CACNA1S: variants seen among roughly 807,000 people sequenced by gnomAD.
CACNA1S encodes the protein calcium voltage-gated channel subunit alpha1 S.
In CACNA1S, 126 loss-of-function variants were observed where a neutral mutation model predicts 207.4. That is an observed-to-expected ratio of 0.61 (90% CI 0.53 to 0.70). The LOEUF (loss-of-function observed/expected upper bound fraction) is 0.70, where lower values mean the gene tolerates loss of function less well. Among genes scored for constraint, CACNA1S ranks in the 30% least tolerant of loss-of-function variants. The pLI is 0.00. For missense variants in CACNA1S, 2,349 were observed against 2,422.8 expected (o/e 0.97, Z 0.64); for synonymous variants, 960 against 932.7 (o/e 1.03, Z -0.53).
At position 201,053,555 on chromosome 1, in the gene CACNA1S, G is replaced by A. The variant is rs1238878802; in HGVS notation, c.3699C>T (p.Ala1233=). The stretch of plus-strand genomic sequence containing the variant: ...TCATGACACGGAACAGGCGGAAGAA[G>A]GCGCTGGAGATGCGGGCACTCTCAT... The part of the protein sequence containing the change: ...DPDESARISS[A]FFRLFRVMRL... The change falls in exon 30 of 44, where the codon GCC becomes GCT. Residue 1233 remains alanine, a synonymous_variant. Coordinates refer to ENST00000362061, the MANE Select transcript of CACNA1S (RefSeq NM_000069.3). The surrounding 1 kb of genome is among the most constrained non-coding windows in gnomAD (Gnocchi z 5.1). 1 of 1,614,088 alleles carries A rather than the reference G, an allele frequency of 6.2e-7. No homozygotes were observed. Among genetic ancestry groups the A allele is most frequent in the Non-Finnish European group, 8.5e-7 (1 of 1,180,002 alleles).
chr1:201,040,401 C>T, intron 42 of CACNA1S, 27 bp from the exon 43 acceptor site: 1 of 1,610,948 alleles, frequency 6.2e-7, no homozygotes, highest in Admixed American at 1.7e-5. Context: ...AAAGCAAAGA[C>T]CCCGACAGGG....
At chr1:201,080,032 G>A (rs1181490052) in intron 10 of CACNA1S, among the ~76,000 whole-genome samples, 4 of 152,082 alleles carry the variant, frequency 2.6e-5, no homozygotes, top group East Asian at 1.9e-4. Flanking sequence ...ATGAAACAGC[G>A]AGTCATTGAA....
intron 10 of CACNA1S, among the ~76,000 whole-genome samples, chr1:201,081,163 G>A (rs1327571578): frequency 1.3e-5 from 2 of 152,066 alleles, no homozygotes; most frequent in African/African-American, 2.4e-5. Flanking sequence ...CCTCATGCAG[G>A]TCCAGGGCCC....
At chr1:201,112,033 C>T (rs1381016044) in intron 1 of CACNA1S, among the ~76,000 whole-genome samples, 155 bp downstream of exon 1, 1 of 117,150 alleles carries the variant, frequency 8.5e-6, no homozygotes, top group Non-Finnish European at 1.8e-5. Flanking sequence ...CCGAGGGCTC[C>T]TTCCCCCAGC....
intron 10 of CACNA1S, 83 bp downstream of exon 10, chr1:201,083,079 A>C: frequency 6.9e-7 from 1 of 1,452,570 alleles, no homozygotes; most frequent in Non-Finnish European, 9.6e-7. Flanking sequence ...TCTTCTGCAC[A>C]ACCTGTGGTG....
Position 201,050,991 on chromosome 1 carries a change from G to T in CACNA1S, c.4106C>A (p.Ala1369Asp). The T allele has an allele frequency of 1.9e-6, 3 of 1,614,146 alleles. No individual in the cohort carries two copies. Among genetic ancestry groups the T allele is most frequent in the South Asian group, 1.1e-5 (1 of 91,080 alleles). Residue 1369 changes from alanine to aspartate, a missense_variant, in exon 33 of 44, where the codon GCC (alanine) becomes GAC (aspartate). Transcript: ENST00000362061. ...YYFISFYMLC[A>D]FLVINLFVAV... Reference sequence around the variant, plus strand: ...AGGCCCTCAGCATCTCACCAGGAAGGCACAGAGCATGTAGAAGCTGATGAA... The same window carrying T: ...AGGCCCTCAGCATCTCACCAGGAAGTCACAGAGCATGTAGAAGCTGATGAA...
intron 2 of CACNA1S, among the ~76,000 whole-genome samples, chr1:201,101,924 TC>T (rs1259859585): frequency 1.3e-5 from 2 of 151,232 alleles, no homozygotes; most frequent in Admixed American, 6.6e-5. Context: ...AGAAAAAGCA[TC>T]CCCCCTCCTC....
In CACNA1S at chr1:201,066,435, TC is replaced by T; in HGVS notation, c.2658-120del. The T allele has an allele frequency of 2.4e-6, 2 of 846,474 alleles. No homozygotes were observed. Among genetic ancestry groups the T allele is most frequent in the Non-Finnish European group, 4.0e-6 (2 of 506,048 alleles). The allele number at this position is 846,474 out of a possible 1,614,324, so 52.4% of individuals were successfully genotyped here. ...CAGCTGCCTTTCTGCCTGAAAACAC[TC>T]CCACCTTCCCCTTCCCTTTCCTCCA... On this transcript the variant is annotated intron_variant, in intron 20 of 43. Coordinates refer to ENST00000362061, the MANE Select transcript of CACNA1S (RefSeq NM_000069.3). The surrounding 1 kb of genome is among the most constrained non-coding windows in gnomAD (Gnocchi z 4.3).
intron 12 of CACNA1S, among the ~76,000 whole-genome samples, chr1:201,075,833 C>T (rs955020363): frequency 3.9e-5 from 6 of 152,094 alleles, no homozygotes; most frequent in Non-Finnish European, 8.8e-5. Context: ...TTTGGGAGGC[C>T]GAGATGGGTG....
intron 22 of CACNA1S, 147 bp downstream of exon 22, chr1:201,065,691 G>A: frequency 1.5e-6 from 1 of 679,688 alleles, no homozygotes. Flanking sequence ...GTGTGGTGAA[G>A]ACCTATTTTT....
Position 201,066,936 on chromosome 1 carries a change from T to C in CACNA1S, c.2608A>G (p.Met870Val), listed in dbSNP as rs775432023. 8.1e-6 allele frequency: 13 copies of C among 1,614,078 alleles called. No homozygotes were observed. The highest frequency in any genetic ancestry group is 7.7e-5 in the South Asian group (7 of 91,086). Residue 870 changes from methionine to valine, a missense_variant, in exon 20 of 44, where the codon ATG (methionine) becomes GTG (valine). Physicochemically the swap from Met to Val is conservative, Grantham distance 21. Coordinates refer to ENST00000362061, the MANE Select transcript of CACNA1S (RefSeq NM_000069.3). This position sits in a 1 kb window ranked among gnomAD's most constrained non-coding sequence, Gnocchi z 4.3. ...KGSFCRNYFNMLDLLVVAVSL... is the reference protein window; with the variant it reads ...KGSFCRNYFNVLDLLVVAVSL... Reference sequence around the variant, plus strand: ...ACGGCCACCACCAGCAGGTCCAGCATGTTGAAGTAATTGCGGCAGAAGGAA... The same window carrying C: ...ACGGCCACCACCAGCAGGTCCAGCACGTTGAAGTAATTGCGGCAGAAGGAA...
chr1:201,074,716 C>T (rs1661544936), intron 13 of CACNA1S, 96 bp from the exon 14 acceptor site: 2 of 717,886 alleles, frequency 2.8e-6, no homozygotes. Flanking sequence ...GACCTAACCC[C>T]ACTCTCCCAG....
chr1:201,077,180 C>T, intron 11 of CACNA1S, 53 bp from the exon 12 acceptor site: 1 of 1,495,370 alleles, frequency 6.7e-7, no homozygotes. Context: ...TCACTGGGGC[C>T]CACGAGGTGT....
At chr1:201,046,174 A>ATTAT (rs1660463490) in intron 38 of CACNA1S, among the ~76,000 whole-genome samples, 2 of 120,390 alleles carry the variant, frequency 1.7e-5, no homozygotes, top group South Asian at 4.7e-4. Context: ...TTATTTATTT[A>ATTAT]TTATTTATTT....
At chr1:201,065,068 C>T (rs994461851) in intron 22 of CACNA1S, among the ~76,000 whole-genome samples, 2 of 152,192 alleles carry the variant, frequency 1.3e-5, no homozygotes, top group Admixed American at 1.3e-4. Flanking sequence ...AGGGGCCTCC[C>T]TCCCCAAGGA....
intron 2 of CACNA1S, among the ~76,000 whole-genome samples, chr1:201,100,631 G>A (rs1043184553): frequency 1.3e-5 from 2 of 152,138 alleles, no homozygotes; most frequent in South Asian, 2.1e-4. Flanking sequence ...GTCTGGGTGG[G>A]CCAGACACAC....
rs1025615597 is a variant in CACNA1S, at chr1:201,066,375, C to T, written c.2658-59G>A. On this transcript the variant is annotated intron_variant, in intron 20 of 43. Transcript: ENST00000362061. The surrounding 1 kb of genome is among the most constrained non-coding windows in gnomAD (Gnocchi z 4.3). ...AGCCTGCTCCAGCCAGCCCAGTCTG[C>T]GGTGGAGCCTCCAGCCATATCCTGC... 2.8e-5 allele frequency: 40 copies of T among 1,433,622 alleles called. 1 individual carries two copies. In the South Asian group the frequency reaches 2.9e-4, roughly 10 times the overall value. 88.8% of individuals were successfully genotyped at this position (1,433,622 alleles called of 1,614,324 possible).
At chr1:201,044,529 G>A (rs1294096310) in intron 38 of CACNA1S, 73 bp from the exon 39 acceptor site, 3 of 1,565,356 alleles carry the variant, frequency 1.9e-6, no homozygotes, top group Admixed American at 3.4e-5. Flanking sequence ...TTCTTTTTTT[G>A]AGACAGAGTC....
intron 27 of CACNA1S, among the ~76,000 whole-genome samples, chr1:201,058,904 C>A (rs1660944241): frequency 1.3e-5 from 2 of 152,188 alleles, no homozygotes; most frequent in African/African-American, 4.8e-5. Flanking sequence ...AGATTTTCCC[C>A]CAGCCCTGGG....
Sources: allele counts gnomAD v4.1 joint callset (sites outside exome capture counted in the v4.1 genomes callset), GRCh38; gene constraint gnomAD v4.1.1; non-coding constraint Gnocchi (gnomAD v3.1); transcripts MANE v1.5; gene names NCBI Gene and HGNC (gene_info 2026-07-23, HGNC 2026-07-21).